The following ASTN2 variants were observed in gnomAD, a reference collection of about 807,000 sequenced individuals.
The protein encoded by ASTN2 is astrotactin-2.
ASTN2 carries 54 observed loss-of-function variants against 139.8 expected under a neutral mutation model. The ratio of observed to expected loss-of-function variants is 0.39; its 90% confidence interval spans 0.31 to 0.48. The LOEUF is 0.48. Among genes scored for constraint, ASTN2 ranks in the 20% least tolerant of loss-of-function variants. ASTN2 has a pLI of 0.95. For missense variants in ASTN2, 1,565 were observed against 1,725.1 expected (o/e 0.91, Z 1.64); for synonymous variants, 756 against 719.5 (o/e 1.05, Z -0.81).
At chr9:116,858,093 G>T (rs1832787504) in intron 11 of ASTN2, among the ~76,000 whole-genome samples, 1 of 152,196 alleles carries the variant, frequency 6.6e-6, no homozygotes, top group Admixed American at 6.5e-5. Context: ...AATGGTGCCA[G>T]TCCTAGCCCC....
intron 8 of ASTN2, among the ~76,000 whole-genome samples, 172 bp from the exon 9 acceptor site, chr9:116,976,360 G>A (rs1024743068): frequency 1.3e-5 from 2 of 152,204 alleles, no homozygotes; most frequent in South Asian, 4.1e-4. Context: ...GAAGGATTCA[G>A]CACTTTCATA....
At chr9:117,342,517 T>G (rs1205683654) in intron 1 of ASTN2, among the ~76,000 whole-genome samples, 1 of 152,144 alleles carries the variant, frequency 6.6e-6, no homozygotes, top group East Asian at 1.9e-4. Context: ...ATTTTGTGAA[T>G]TTAGAAGGTC....
chr9:116,874,780 T>C (rs1833253866), intron 10 of ASTN2, among the ~76,000 whole-genome samples: 1 of 152,220 alleles, frequency 6.6e-6, no homozygotes, highest in South Asian at 2.1e-4. Context: ...GCAGATATTA[T>C]TTCTTAAAGA....
chr9:116,642,554 C>G (rs112430194), intron 17 of ASTN2, among the ~76,000 whole-genome samples: 3 of 152,200 alleles, frequency 2.0e-5, no homozygotes, highest in African/African-American at 4.8e-5. Flanking sequence ...CCCCATCTAA[C>G]TGACACTGAC....
intron 22 of ASTN2, among the ~76,000 whole-genome samples, chr9:116,435,516 C>T (rs963301184): frequency 1.3e-5 from 2 of 152,168 alleles, no homozygotes; most frequent in African/African-American, 4.8e-5. Context: ...TTTTCCTTTT[C>T]ACTTTGAACT....
At chr9:116,839,279 C>T (rs1332503216) in intron 11 of ASTN2, among the ~76,000 whole-genome samples, 2 of 152,034 alleles carry the variant, frequency 1.3e-5, no homozygotes, top group Non-Finnish European at 2.9e-5. Flanking sequence ...TCTCGAATAG[C>T]TGGGACTACA....
At chr9:116,627,236 G>A (rs1283874439) in intron 17 of ASTN2, among the ~76,000 whole-genome samples, 2 of 152,192 alleles carry the variant, frequency 1.3e-5, no homozygotes, top group Non-Finnish European at 2.9e-5. Flanking sequence ...AAATTGCCTG[G>A]AAAAGGTAGC....
chr9:117,334,978 C>A (rs1828835716), intron 1 of ASTN2, among the ~76,000 whole-genome samples: 1 of 152,132 alleles, frequency 6.6e-6, no homozygotes, highest in Non-Finnish European at 1.5e-5. Context: ...TAGCTTGAAC[C>A]CGGTAGGCAG....
intron 6 of ASTN2, among the ~76,000 whole-genome samples, chr9:117,026,886 T>G (rs1838102975): frequency 6.8e-6 from 1 of 147,536 alleles, no homozygotes. Flanking sequence ...TACTGTGACA[T>G]TCCCCATTTC....
At position 116,586,839 on chromosome 9, in the gene ASTN2, C is replaced by CACACAT. The variant is rs1554717136; in HGVS notation, c.3355+31484_3355+31485insATGTGT. On this transcript the variant is annotated intron_variant, in intron 19 of 22. Transcript: ENST00000313400. The stretch of plus-strand genomic sequence containing the variant: ...ACACACACACACATACATACACACA[C>CACACAT]ACACACACACACACACACACACGTA... 4.3e-4 allele frequency among the ~76,000 whole-genome samples: 64 copies of CACACAT among 149,422 alleles called. 1 individual carries two copies. Among genetic ancestry groups the CACACAT allele is most frequent in the South Asian group, 1.8e-3 (8 of 4,562 alleles).
chr9:116,436,787 T>C (rs1847664314), intron 22 of ASTN2, among the ~76,000 whole-genome samples: 2 of 151,784 alleles, frequency 1.3e-5, no homozygotes, highest in Admixed American at 6.6e-5. Flanking sequence ...CTATTCACAA[T>C]AGCAAAGACT....
At chr9:117,282,047 T>C (rs1564124263) in intron 2 of ASTN2, among the ~76,000 whole-genome samples, 1 of 152,202 alleles carries the variant, frequency 6.6e-6, no homozygotes, top group Non-Finnish European at 1.5e-5. Context: ...ACTTCCTCCA[T>C]GCTTTTTATT....
chr9:116,834,338 A>G (rs558292363), intron 11 of ASTN2, among the ~76,000 whole-genome samples: 13 of 152,236 alleles, frequency 8.5e-5, no homozygotes, highest in African/African-American at 3.1e-4. Flanking sequence ...GAGTCCTTCT[A>G]TATTGTTGCT....
chr9:117,105,827 T>G (rs1401165502), intron 4 of ASTN2, among the ~76,000 whole-genome samples: 1 of 152,258 alleles, frequency 6.6e-6, no homozygotes, highest in Admixed American at 6.5e-5. Flanking sequence ...AGATATTGCA[T>G]AACAGATAAT....
At chr9:116,555,429 T>C (rs550033995) in intron 19 of ASTN2, among the ~76,000 whole-genome samples, 1 of 152,256 alleles carries the variant, frequency 6.6e-6, no homozygotes, top group Non-Finnish European at 1.5e-5. Flanking sequence ...GTTTGAAATA[T>C]AGCAGAGCAG....
At chr9:117,017,664 A>C (rs1340091152) in intron 6 of ASTN2, among the ~76,000 whole-genome samples, 1 of 152,218 alleles carries the variant, frequency 6.6e-6, no homozygotes, top group Non-Finnish European at 1.5e-5. Flanking sequence ...TGGATAGTAA[A>C]GTTCCTGGCT....
At chr9:116,493,140 A>G (rs1261976425) in intron 19 of ASTN2, among the ~76,000 whole-genome samples, 2 of 152,160 alleles carry the variant, frequency 1.3e-5, no homozygotes, top group African/African-American at 4.8e-5. Context: ...AAGGATTTGC[A>G]GCTACTCAGG....
intron 11 of ASTN2, among the ~76,000 whole-genome samples, chr9:116,850,098 C>T (rs903703364): frequency 6.6e-6 from 1 of 152,104 alleles, no homozygotes; most frequent in Non-Finnish European, 1.5e-5. Flanking sequence ...TGGGGACGGA[C>T]GTGGGTGGAA....
chr9:116,616,780 GACAC>G (rs59771463), intron 19 of ASTN2, among the ~76,000 whole-genome samples: 3,110 of 149,626 alleles, frequency 0.021, 96 homozygotes, highest in African/African-American at 0.071. Flanking sequence ...GAAGGACAAA[GACAC>G]ACACACACAC....
Sources: gnomAD v4.1 joint callset for allele counts (sites outside exome capture counted in the v4.1 genomes callset) on GRCh38, gnomAD v4.1.1 for gene constraint, MANE v1.5 for transcripts, NCBI Gene and HGNC (gene_info 2026-07-23, HGNC 2026-07-21) for gene names.